BEST3: variants seen among roughly 807,000 people sequenced by gnomAD.
BEST3 encodes bestrophin-3.
Under a neutral mutation model 47.1 loss-of-function variants are expected in BEST3, and 50 were observed. The ratio of observed to expected loss-of-function variants is 1.06; its 90% confidence interval spans 0.85 to 1.34. The LOEUF (loss-of-function observed/expected upper bound fraction) is 1.34, where lower values mean the gene tolerates loss of function less well. Ranked by LOEUF, BEST3 falls within the 40% of genes most tolerant of loss-of-function variation. The pLI is 0.00. For missense variants in BEST3, 765 were observed against 817.0 expected (o/e 0.94, Z 0.78); for synonymous variants, 282 against 298.8 (o/e 0.94, Z 0.58).
At chr12:69,694,184 A>T (rs986271683) in intron 3 of BEST3, 186 bp downstream of exon 3, 7 of 574,336 alleles carry the variant, frequency 1.2e-5, no homozygotes, top group South Asian at 9.8e-5. Context: ...ATTTCCTCAA[A>T]CTTGTTTGGT....
In BEST3 at chr12:69,688,987, T is replaced by C. The variant is rs1467953906; in HGVS notation, c.481+4687A>G. 5.6e-6 allele frequency: 3 copies of C among 535,442 alleles called. No homozygotes were observed. The African/African-American group carries it at 6.2e-5, about 11-fold the overall frequency. The allele number at this position is 535,442 out of a possible 1,614,324, so 33.2% of individuals were successfully genotyped here. ...GTACTTTTTCTTACAGGTGATTTTA[T>C]GTAGAGAATTCAACTGACAAGAAGG... On this transcript the variant is annotated intron_variant, in intron 4 of 9. Transcript: ENST00000330891.
intron 4 of BEST3, among the ~76,000 whole-genome samples, chr12:69,680,310 C>CTTTTTTTTTTTTTTTTTT (rs1555207049): frequency 1.4e-4 from 13 of 94,976 alleles, no homozygotes; most frequent in African/African-American, 1.7e-4. Context: ...TACACTTGAT[C>CTTTTTTTTTTTTTTTTTT]TTTTTTTTTT....
intron 2 of BEST3, among the ~76,000 whole-genome samples, chr12:69,695,327 G>A (rs893193336): frequency 1.3e-5 from 2 of 152,154 alleles, no homozygotes; most frequent in Non-Finnish European, 2.9e-5. Flanking sequence ...AGCATCAAAG[G>A]CTCATTTGGG....
chr12:69,678,910 A>G lies in BEST3; in HGVS notation c.482-17T>C, dbSNP rs1410779066. 2 of 1,605,144 alleles carry G rather than the reference A, an allele frequency of 1.2e-6. No individual in the cohort carries two copies. Among genetic ancestry groups the G allele is most frequent in the Non-Finnish European group, 1.7e-6 (2 of 1,173,768 alleles). On this transcript the variant is annotated splice_polypyrimidine_tract_variant and intron_variant, in intron 4 of 9. Coordinates refer to ENST00000330891, the MANE Select transcript of BEST3 (RefSeq NM_032735.3). ...TCATAAAACCTTTACAAAAAAATAA[A>G]AATCGGTAGGTATACAGACTTAGTT...
At chr12:69,669,817 A>G (rs915283713) in intron 9 of BEST3, 3 of 152,252 alleles carry the variant, frequency 2.0e-5, no homozygotes, top group Admixed American at 1.3e-4. Flanking sequence ...ATGAACATTT[A>G]TGTAGTAATC....
intron 4 of BEST3, chr12:69,689,127 G>A: frequency 1.0e-6 from 1 of 985,484 alleles, no homozygotes; most frequent in Non-Finnish European, 1.2e-6. Context: ...CAGGGAATCT[G>A]CCAAACATTT....
intron 9 of BEST3, among the ~76,000 whole-genome samples, chr12:69,667,759 T>G (rs1593152833): frequency 6.6e-6 from 1 of 152,296 alleles, no homozygotes; most frequent in African/African-American, 2.4e-5. Flanking sequence ...TTCTCCACCT[T>G]ACATCTGTGA....
chr12:69,693,957 G>A (rs1886033937), intron 3 of BEST3, 50 bp from the exon 4 acceptor site: 1 of 1,361,204 alleles, frequency 7.3e-7, no homozygotes, highest in African/African-American at 1.4e-5. Context: ...CAGACACGTT[G>A]GTGACACTGA....
chr12:69,655,494 C>T lies in BEST3; in HGVS notation c.1420G>A (p.Glu474Lys), dbSNP rs775069920. The T allele has an allele frequency of 2.5e-6, 4 of 1,614,106 alleles. No individual in the cohort carries two copies. Among genetic ancestry groups the T allele is most frequent in the Non-Finnish European group, 3.4e-6 (4 of 1,180,004 alleles). ...TGTAAAGTGCTTGTCTGGCTGGTCT[C>T]CCTGATGGTGGACAGCTCTCCCATG... ...FSMGELSTIR[E>K]TSQTSTLQSL... Residue 474 changes from glutamate to lysine, a missense_variant, in exon 10 of 10, where the codon GAG becomes AAG. Coordinates refer to ENST00000330891, the MANE Select transcript of BEST3 (RefSeq NM_032735.3).
rs144422546 is a variant in BEST3 at position 69,684,617 on chromosome 12, G to C, written c.482-5724C>G. 134 of 667,744 alleles carry C rather than the reference G, an allele frequency of 2.0e-4. No homozygotes were observed. In the East Asian group the frequency reaches 2.7e-3, roughly 13 times the overall value. 41.4% of individuals were successfully genotyped at this position (667,744 alleles called of 1,614,324 possible). ...TTTCATGCCAGTTCTTTCTGAAAGA[G>C]AGAGTTGTGTATTCAGCATCTGAGC... On this transcript the variant is annotated intron_variant, in intron 4 of 9. Transcript: ENST00000330891.
In BEST3 at chr12:69,655,639, G is replaced by T; in HGVS notation, c.1275C>A (p.Pro425=). 1 of 1,614,034 alleles carries T rather than the reference G, an allele frequency of 6.2e-7. No homozygotes were observed. The highest frequency in any genetic ancestry group is 8.5e-7 in the Non-Finnish European group (1 of 1,180,012). ...CCCTGGCTGGGCTGAGGTCATCTCG[G>T]GGTAAGAACATGGAGCTGTCACTTG... The part of the protein sequence containing the change: ...RQTSDSSMFL[P]RDDLSPARDL... Residue 425 remains proline (P), a synonymous_variant, in exon 10 of 10, where the codon CCC becomes CCA. Coordinates refer to ENST00000330891, the MANE Select transcript of BEST3 (RefSeq NM_032735.3).
At chr12:69,658,671 C>A (rs1451492596) in intron 9 of BEST3, among the ~76,000 whole-genome samples, 1 of 152,176 alleles carries the variant, frequency 6.6e-6, no homozygotes, top group Admixed American at 6.5e-5. Context: ...AGTTTTTGAG[C>A]TAGGCTTTGA....
At chr12:69,687,117 T>C (rs994004008) in intron 4 of BEST3, 6 of 152,272 alleles carry the variant, frequency 3.9e-5, no homozygotes, top group East Asian at 3.8e-4. Context: ...CTGAGTTGTT[T>C]GGCTTTTAAG....
chr12:69,686,044 TACTC>T (rs769659651), intron 4 of BEST3, among the ~76,000 whole-genome samples: 15 of 152,118 alleles, frequency 9.9e-5, no homozygotes, highest in Non-Finnish European at 2.1e-4. Flanking sequence ...AGGGGTGACT[TACTC>T]AGCCTCTAAA....
Position 69,655,745 on chromosome 12 carries a change from G to A in BEST3, c.1169C>T (p.Ser390Phe). 3 of 1,613,900 alleles carry A rather than the reference G, an allele frequency of 1.9e-6. No individual in the cohort carries two copies. The South Asian group carries it at 3.3e-5, about 18-fold the overall frequency. The change falls in exon 10 of 10, where the codon TCC becomes TTC. Residue 390 changes from serine to phenylalanine, a missense_variant. Ser to Phe is a radical substitution (Grantham distance 155). Coordinates refer to ENST00000330891, the MANE Select transcript of BEST3 (RefSeq NM_032735.3). The stretch of plus-strand genomic sequence containing the variant: ...GAACCGCTTGACTCTTCTTATCATG[G>A]AATGCCGATGGCCATGCTTCTCATA... Reference protein sequence around the residue: ...WDYEKHGHRHSMIRRVKRFLS... With the variant: ...WDYEKHGHRHFMIRRVKRFLS...
exon 10 of BEST3, chr12:69,643,594 CT>C (rs1184493780): frequency 1.8e-6 from 1 of 563,632 alleles, no homozygotes; most frequent in Non-Finnish European, 3.3e-6. Flanking sequence ...TGCCTGGATG[CT>C]AAAAAGTGGA....
downstream of BEST3, among the ~76,000 whole-genome samples, chr12:69,652,834 A>G (rs964359403): frequency 2.0e-5 from 3 of 152,212 alleles, no homozygotes; most frequent in Admixed American, 6.5e-5. Flanking sequence ...AAATAGCATT[A>G]AGAGCCTGGT....
intron 7 of BEST3, among the ~76,000 whole-genome samples, chr12:69,675,266 T>C (rs562255372): frequency 6.6e-6 from 1 of 152,194 alleles, no homozygotes; most frequent in South Asian, 2.1e-4. Flanking sequence ...ACTGCAGGCA[T>C]GCGCCACCAT....
intron 5 of BEST3, among the ~76,000 whole-genome samples, chr12:69,677,733 A>G (rs775498): frequency 0.25 from 37,757 of 152,014 alleles, 5,646 homozygotes; most frequent in East Asian, 0.45. Flanking sequence ...GTGAGCCATG[A>G]TTGTGCCACT....
Sources: allele counts gnomAD v4.1 joint callset (sites outside exome capture counted in the v4.1 genomes callset), GRCh38; gene constraint gnomAD v4.1.1; transcripts MANE v1.5; gene names NCBI Gene and HGNC (gene_info 2026-07-23, HGNC 2026-07-21).